Variants in PCDHGA10 observed in about 807,000 individuals in gnomAD.
The protein encoded by PCDHGA10 is protocadherin gamma subfamily A, 10.
Under a neutral mutation model 59.5 loss-of-function variants are expected in PCDHGA10, and 42 were observed. That is an observed-to-expected ratio of 0.71 (90% CI 0.55 to 0.91). The LOEUF is 0.91. Ranked by LOEUF, PCDHGA10 falls within the 40% of genes least tolerant of loss-of-function variation. The pLI, the probability that PCDHGA10 is intolerant of heterozygous loss-of-function variation, is 0.00. For synonymous variants in PCDHGA10, 511 were observed against 517.2 expected, an observed-to-expected ratio of 0.99 and a Z score of 0.16; for missense variants, 1,111 against 1,198.2, an observed-to-expected ratio of 0.93 and a Z score of 1.07.
At chr5:141,461,273 C>A (rs1301916233) in intron 1 of PCDHGA10, among the ~76,000 whole-genome samples, 1 of 152,128 alleles carries the variant, frequency 6.6e-6, no homozygotes, top group Admixed American at 6.6e-5. Flanking sequence ...TAAGTGTTCT[C>A]TTTTCCCCAC....
Position 141,485,447 on chromosome 5 carries a change from C to G in PCDHGA10, c.2437-9360C>G, listed in dbSNP as rs1233800346. 6.2e-7 allele frequency: 1 copy of G among 1,614,144 alleles called. No individual in the cohort carries two copies. The highest frequency in any genetic ancestry group is 8.5e-7 in the Non-Finnish European group (1 of 1,180,036). On this transcript the variant is annotated intron_variant, in intron 1 of 3. Transcript: ENST00000398610. This position sits in a 1 kb window ranked among gnomAD's most constrained non-coding sequence, Gnocchi z 5.7. ...CCTGCTCATCAAGAACCCAATCGAC[C>G]GAGAGGCACTGTGTGGGCTCAGTGC... is the stretch of plus-strand genomic sequence containing the variant.
intron 1 of PCDHGA10, chr5:141,419,197 T>C (rs560134083): frequency 1.2e-6 from 2 of 1,613,966 alleles, no homozygotes; most frequent in South Asian, 1.1e-5. Flanking sequence ...CTGACGTCAA[T>C]GACAACGCGC....
chr5:141,452,459 C>T (rs545368648), intron 1 of PCDHGA10, among the ~76,000 whole-genome samples: 38 of 152,246 alleles, frequency 2.5e-4, no homozygotes, highest in Middle Eastern at 6.8e-3. Context: ...TGTCAGCAGA[C>T]GGAGCTAGGA....
At chr5:141,495,292 C>T (rs74321313) in intron 2 of PCDHGA10, among the ~76,000 whole-genome samples, 8,567 of 152,256 alleles carry the variant, frequency 0.056, 526 homozygotes, top group African/African-American at 0.16. Context: ...CCGCACTCAG[C>T]GCCTCCTCCA....
At chr5:141,501,308 C>T (rs1220463692) in intron 2 of PCDHGA10, among the ~76,000 whole-genome samples, 2 of 151,492 alleles carry the variant, frequency 1.3e-5, no homozygotes, top group African/African-American at 2.4e-5. Context: ...CACACACACA[C>T]ACACACACAC....
At position 141,485,336 on chromosome 5, in the gene PCDHGA10, G is replaced by A. The variant is rs755039880; in HGVS notation, c.2437-9471G>A. Reference sequence around the variant, plus strand: ...GAATGTCGCTCAAGATTTCCTGCTGGATACGGACAGTCTGTCAGCTCGCAG... The same window carrying A: ...GAATGTCGCTCAAGATTTCCTGCTGAATACGGACAGTCTGTCAGCTCGCAG... On this transcript the variant is annotated intron_variant, in intron 1 of 3. Transcript: ENST00000398610. The surrounding 1 kb of genome is among the most constrained non-coding windows in gnomAD (Gnocchi z 5.7). 3 of 1,614,176 alleles carry A rather than the reference G, an allele frequency of 1.9e-6. No homozygotes were observed. In the South Asian group the frequency reaches 3.3e-5, roughly 18 times the overall value.
chr5:141,446,275 A>G (rs1229842331), intron 1 of PCDHGA10, among the ~76,000 whole-genome samples: 1 of 152,156 alleles, frequency 6.6e-6, no homozygotes, highest in African/African-American at 2.4e-5. Flanking sequence ...GAATAAATAC[A>G]ATGGATAAAT....
intron 1 of PCDHGA10, chr5:141,417,252 G>C (rs2096099745): frequency 6.6e-6 from 1 of 152,148 alleles, no homozygotes; most frequent in Admixed American, 6.5e-5. Context: ...AGTACTTCCA[G>C]CTTCATAGAT....
Position 141,491,420 on chromosome 5 carries a change from G to A in PCDHGA10, c.2437-3387G>A, listed in dbSNP as rs2099713954. 1.2e-6 allele frequency: 2 copies of A among 1,614,004 alleles called. No homozygotes were observed. The highest frequency in any genetic ancestry group is 2.2e-5 in the South Asian group (2 of 91,090). On this transcript the variant is annotated intron_variant, in intron 1 of 3. Transcript: ENST00000398610. This position sits in a 1 kb window ranked among gnomAD's most constrained non-coding sequence, Gnocchi z 6.9. ...GGAAACGCAGACGGGGACGGGGGTG[G>A]AGGGCAGTGCTGCAGGCGCCAGGAC...
In PCDHGA10 at chr5:141,418,134, G is replaced by A. The variant is rs367774534; in HGVS notation, c.2436+2523G>A. ...TTACTTGTGAAGGACCGAATAGACC[G>A]TGAGCAAATATGCAAAGAGAGAAGA... On this transcript the variant is annotated intron_variant, in intron 1 of 3. Transcript: ENST00000398610. The A allele has an allele frequency of 3.1e-6, 5 of 1,613,970 alleles. No individual in the cohort carries two copies. In the African/African-American group the frequency reaches 4.0e-5, roughly 13 times the overall value.
chr5:141,492,458 G>A (rs1333043781), intron 1 of PCDHGA10, among the ~76,000 whole-genome samples: 1 of 152,230 alleles, frequency 6.6e-6, no homozygotes, highest in Non-Finnish European at 1.5e-5. Flanking sequence ...GTGCGCGCCT[G>A]AGGGTCCCAG....
Position 141,415,089 on chromosome 5 carries a change from C to T in PCDHGA10, c.1914C>T (p.Asp638=), listed in dbSNP as rs1159857230. 1.9e-6 allele frequency: 3 copies of T among 1,613,556 alleles called. No individual in the cohort carries two copies. In the South Asian group the frequency reaches 3.3e-5, roughly 18 times the overall value. The part of the protein sequence containing the change: ...GEVRTARALL[D]RDALKQSLVV... The stretch of plus-strand genomic sequence containing the variant: ...TGCGCACGGCGCGAGCCCTGCTGGA[C>T]AGAGACGCGCTCAAGCAAAGCCTCG... The change falls in exon 1 of 4, where the codon GAC becomes GAT. Residue 638 remains aspartate (D), a synonymous_variant. Coordinates refer to ENST00000398610, the MANE Select transcript of PCDHGA10 (RefSeq NM_018913.3).
chr5:141,452,378 T>C (rs1227738942), intron 1 of PCDHGA10, among the ~76,000 whole-genome samples: 1 of 152,226 alleles, frequency 6.6e-6, no homozygotes, highest in African/African-American at 2.4e-5. Context: ...TAGTAGGGAA[T>C]AGTATTTAGA....
intron 1 of PCDHGA10, among the ~76,000 whole-genome samples, chr5:141,457,694 C>G (rs891323419): frequency 6.6e-6 from 1 of 152,214 alleles, no homozygotes; most frequent in Non-Finnish European, 1.5e-5. Flanking sequence ...TTTGGATTGG[C>G]TTTGATGAAA....
In PCDHGA10 at chr5:141,472,980, C is replaced by CAAAA. The variant is rs60579131; in HGVS notation, c.2437-21813_2437-21810dup. ...CAGCCTGGGGAACAAGAGTGAAACT[C>CAAAA]AAAAAAAAAAAAAAAAAGAAAGAAA... On this transcript the variant is annotated intron_variant, in intron 1 of 3. Transcript: ENST00000398610. 5.5e-3 allele frequency among the ~76,000 whole-genome samples: 472 copies of CAAAA among 85,978 alleles called. 4 individuals carry two copies. The highest frequency in any genetic ancestry group is 0.013 in the Admixed American group (104 of 8,158). The allele number at this position is 85,978 out of a possible 152,430, so 56.4% of individuals were successfully genotyped here. A position where few individuals can be genotyped will look rare whatever the true frequency, so the allele number is the denominator to read the frequency against.
At position 141,476,455 on chromosome 5, in the gene PCDHGA10, G is replaced by A. The variant is rs572682842; in HGVS notation, c.2437-18352G>A. The A allele has an allele frequency of 1.2e-6, 2 of 1,614,034 alleles. No individual in the cohort carries two copies. The highest frequency in any genetic ancestry group is 2.2e-5 in the South Asian group (2 of 91,084). ...CTGTAACTCTGGAGTTGGTAGTGGA[G>A]AACCCGCTGGAGCTGTTCAGCGTGG... On this transcript the variant is annotated intron_variant, in intron 1 of 3. Coordinates refer to ENST00000398610, the MANE Select transcript of PCDHGA10 (RefSeq NM_018913.3). This position sits in a 1 kb window ranked among gnomAD's most constrained non-coding sequence, Gnocchi z 7.6.
chr5:141,468,180 C>T (rs1053758210), intron 1 of PCDHGA10, among the ~76,000 whole-genome samples: 4 of 151,744 alleles, frequency 2.6e-5, no homozygotes, highest in Non-Finnish European at 5.9e-5. Context: ...GAAAAATTTG[C>T]TGGGCATGGT....
At chr5:141,437,312 G>T (rs2097875410) in intron 1 of PCDHGA10, among the ~76,000 whole-genome samples, 1 of 152,176 alleles carries the variant, frequency 6.6e-6, no homozygotes, top group South Asian at 2.1e-4. Context: ...AAAGCGTTCA[G>T]CTATAATTTA....
rs772612744 is a variant in PCDHGA10, at chr5:141,415,036, T to C, written c.1861T>C (p.Phe621Leu). 1 of 1,613,526 alleles carries C rather than the reference T, an allele frequency of 6.2e-7. No individual in the cohort carries two copies. Among genetic ancestry groups the C allele is most frequent in the Admixed American group, 1.7e-5 (1 of 60,012 alleles). The change falls in exon 1 of 4, where the codon TTC (phenylalanine) becomes CTC (leucine). Residue 621 changes from phenylalanine (F) to leucine (L), a missense_variant. Transcript: ENST00000398610. ...GCTCAAGGCCAGCGAGCCGGGACTC[T>C]TCGCGGTGGGGGAGCACACGGGCGA... ...RLLKASEPGLFAVGEHTGEVR... is the reference protein window; with the variant it reads ...RLLKASEPGLLAVGEHTGEVR...
Sources: allele counts gnomAD v4.1 joint callset (sites outside exome capture counted in the v4.1 genomes callset), GRCh38; gene constraint gnomAD v4.1.1; non-coding constraint Gnocchi (gnomAD v3.1); transcripts MANE v1.5; gene names NCBI Gene and HGNC (gene_info 2026-07-23, HGNC 2026-07-21).